The following ORC5 variants were observed in gnomAD, a reference collection of about 807,000 sequenced individuals.
ORC5 encodes protein phosphatase 1, regulatory subunit 117.
ORC5 carries 39 observed loss-of-function variants against 58.8 expected under a neutral mutation model. The ratio of observed to expected loss-of-function variants is 0.66; its 90% confidence interval spans 0.51 to 0.87. The LOEUF (loss-of-function observed/expected upper bound fraction) is 0.87. Among genes scored for constraint, ORC5 ranks in the 40% least tolerant of loss-of-function variants. ORC5 has a pLI of 0.00. For missense variants in ORC5, 493 were observed against 506.3 expected, an observed-to-expected ratio of 0.97 and a Z score of 0.25; for synonymous variants, 218 against 177.6, an observed-to-expected ratio of 1.23 and a Z score of -1.81.
At chr7:104,196,447 C>T (rs1333373578) in intron 4 of ORC5, among the ~76,000 whole-genome samples, 1 of 152,160 alleles carries the variant, frequency 6.6e-6, no homozygotes, top group Non-Finnish European at 1.5e-5. Flanking sequence ...CAAAGAAAAG[C>T]AAGACTGTGT....
chr7:104,160,074 T>C (rs1246865163), intron 12 of ORC5, among the ~76,000 whole-genome samples: 3 of 152,192 alleles, frequency 2.0e-5, no homozygotes, highest in Non-Finnish European at 2.9e-5. Context: ...TAACTATTTA[T>C]GTAGCCTAGT....
chr7:104,201,856 T>C (rs573299284), intron 2 of ORC5, among the ~76,000 whole-genome samples: 4 of 152,094 alleles, frequency 2.6e-5, no homozygotes, highest in African/African-American at 7.2e-5. Flanking sequence ...TGCTTTAGGA[T>C]GGGTGGGAGG....
At chr7:104,158,216 C>A (rs1003353751) in intron 12 of ORC5, among the ~76,000 whole-genome samples, 1 of 152,088 alleles carries the variant, frequency 6.6e-6, no homozygotes, top group Non-Finnish European at 1.5e-5. Context: ...ATCTAGCATT[C>A]ATTTACAGCC....
chr7:104,181,941 G>T (rs1799442195), intron 8 of ORC5, among the ~76,000 whole-genome samples: 2 of 151,988 alleles, frequency 1.3e-5, no homozygotes, highest in Non-Finnish European at 2.9e-5. Context: ...AGACTCAAGA[G>T]GTTTTAAAAT....
chr7:104,155,351 G>A (rs1309775145), intron 12 of ORC5, among the ~76,000 whole-genome samples: 1 of 151,538 alleles, frequency 6.6e-6, no homozygotes, highest in Non-Finnish European at 1.5e-5. Context: ...GTACAACTAA[G>A]TATGAAACCA....
chr7:104,163,303 G>A lies in ORC5; in HGVS notation c.1038+1932C>T, dbSNP rs151154937. On this transcript the variant is annotated intron_variant, in intron 11 of 13. Transcript: ENST00000297431. ...CCAGGCCAATGAAATATGAATAGAA[G>A]TGATGTAAACTACTTGCAAGCCTAG... Among the ~76,000 whole-genome samples the A allele has an allele frequency of 6.7e-4, 102 of 152,144 alleles. 1 individual carries two copies. Among genetic ancestry groups the A allele is most frequent in the African/African-American group, 2.3e-3 (94 of 41,512 alleles).
rs1404749771 is a variant in ORC5, at chr7:104,187,620, CT to C, written c.684+630del. The C allele has an allele frequency of 1.2e-5, 4 of 343,182 alleles. No homozygotes were observed. In the Admixed American group the frequency reaches 2.6e-4, roughly 22 times the overall value. The allele number at this position is 343,182 out of a possible 1,614,324, so 21.3% of individuals were successfully genotyped here. A position where few individuals can be genotyped will look rare whatever the true frequency, so the allele number is the denominator to read the frequency against. ...GAAAACAGAAATTCTTGTCTCTTTC[CT>C]TTCCCATCCCTACAATTAAAACAAA... On this transcript the variant is annotated intron_variant, in intron 6 of 13. Transcript: ENST00000297431.
intron 6 of ORC5, among the ~76,000 whole-genome samples, chr7:104,184,923 T>C (rs773184776): frequency 1.9e-4 from 29 of 152,188 alleles, no homozygotes; most frequent in Non-Finnish European, 3.8e-4. Context: ...CTGCCTTCCC[T>C]AACCAAGTCT....
In ORC5 at chr7:104,195,250, T is replaced by A; in HGVS notation, c.446A>T (p.Asp149Val). ...PGFLRLQELA[D>V]RNVTVLFLSE... is the part of the protein sequence containing the mutation. ...GAGAAAGAGAACAGTCACATTTCTG[T>A]CAGCCTGTAAAAAGAAAGAAATAAA... The change falls in exon 5 of 14, where the codon GAC becomes GTC. Residue 149 changes from aspartate to valine, a missense_variant. Transcript: ENST00000297431. The A allele has an allele frequency of 6.6e-7, 1 of 1,523,866 alleles. No individual in the cohort carries two copies. The highest frequency in any genetic ancestry group is 8.8e-7 in the Non-Finnish European group (1 of 1,134,452). The allele number at this position is 1,523,866 out of a possible 1,614,324, so 94.4% of individuals were successfully genotyped here.
rs746696962 is a variant in ORC5 at position 104,204,220 on chromosome 7, G to C, written c.87C>G (p.Ser29Arg). The C allele has an allele frequency of 1.3e-6, 2 of 1,594,092 alleles. No individual in the cohort carries two copies. Among genetic ancestry groups the C allele is most frequent in the Admixed American group, 1.7e-5 (1 of 59,424 alleles). The change falls in exon 2 of 14, where the codon AGC becomes AGG. Residue 29 changes from serine to arginine, a missense_variant. Ser to Arg is a moderately radical substitution (Grantham distance 110). Coordinates refer to ENST00000297431, the MANE Select transcript of ORC5 (RefSeq NM_002553.4). ...GTCCATAAATAAAAATGGATGGAAA[G>C]CTGAAATGATGTCTCTAACGAGAGA... Reference protein sequence around the residue: ...QSLFGERHHFSFPSIFIYGHT... With the variant: ...QSLFGERHHFRFPSIFIYGHT...
At chr7:104,188,094 G>A (rs1429414120) in intron 6 of ORC5, 157 bp downstream of exon 6, 2 of 929,288 alleles carry the variant, frequency 2.2e-6, no homozygotes, top group Non-Finnish European at 2.9e-6. Context: ...TTAGTCTCTA[G>A]AGGCCATATG....
chr7:104,150,849 T>C (rs958658071), intron 12 of ORC5, among the ~76,000 whole-genome samples: 9 of 126,598 alleles, frequency 7.1e-5, no homozygotes, highest in African/African-American at 2.2e-4. Flanking sequence ...ACACATAAAA[T>C]GGTAATGACA....
At chr7:104,188,540 T>C (rs1799601107) in intron 5 of ORC5, among the ~76,000 whole-genome samples, 159 bp from the exon 6 acceptor site, 1 of 152,086 alleles carries the variant, frequency 6.6e-6, no homozygotes, top group East Asian at 1.9e-4. Flanking sequence ...AAAGTGTGAT[T>C]TGTGATATAA....
intron 3 of ORC5, 131 bp downstream of exon 3, chr7:104,200,627 T>A (rs1799915299): frequency 1.6e-6 from 1 of 630,856 alleles, no homozygotes; most frequent in Non-Finnish European, 2.8e-6. Context: ...ATTTAATACA[T>A]TTCTGTATAC....
chr7:104,143,991 TGCCTGTAATCCCA>T (rs1238824802), intron 12 of ORC5, among the ~76,000 whole-genome samples: 1 of 152,012 alleles, frequency 6.6e-6, no homozygotes, highest in Non-Finnish European at 1.5e-5. Flanking sequence ...TGGTGGCACG[TGCCTGTAATCCCA>T]GCTACTTGGG....
At chr7:104,150,489 T>C (rs965234574) in intron 12 of ORC5, among the ~76,000 whole-genome samples, 1 of 150,434 alleles carries the variant, frequency 6.6e-6, no homozygotes, top group Non-Finnish European at 1.5e-5. Context: ...ATGGCAGAAA[T>C]AGGCAAATAT....
intron 8 of ORC5, among the ~76,000 whole-genome samples, chr7:104,175,098 C>T (rs1799295719): frequency 6.6e-6 from 1 of 152,176 alleles, no homozygotes; most frequent in South Asian, 2.1e-4. Context: ...TTCACTCCTG[C>T]TCTAAAACTT....
chr7:104,187,074 G>C (rs543256113), intron 6 of ORC5, among the ~76,000 whole-genome samples: 1 of 151,978 alleles, frequency 6.6e-6, no homozygotes, highest in Non-Finnish European at 1.5e-5. Context: ...CACAGGATTC[G>C]AGTGCTAAAG....
chr7:104,132,282 C>T (rs194846), intron 13 of ORC5, among the ~76,000 whole-genome samples: 83,180 of 151,944 alleles, frequency 0.55, 24,302 homozygotes, highest in East Asian at 0.75. Flanking sequence ...TGAACTGTTA[C>T]ATGCACTTAA....
Sources: allele counts gnomAD v4.1 joint callset (sites outside exome capture counted in the v4.1 genomes callset), GRCh38; gene constraint gnomAD v4.1.1; transcripts MANE v1.5; gene names NCBI Gene and HGNC (gene_info 2026-07-23, HGNC 2026-07-21).